The following ESYT2 variants were observed in gnomAD, a reference collection of about 807,000 sequenced individuals.
ESYT2 encodes the protein extended synaptotagmin 2.
A neutral mutation model predicts 107.2 loss-of-function variants in ESYT2; 54 were observed. That is an observed-to-expected ratio of 0.50 (90% CI 0.40 to 0.63). The LOEUF is 0.63. Ranked by LOEUF, ESYT2 falls within the 30% of genes least tolerant of loss-of-function variation. The probability of loss-of-function intolerance (pLI) is 0.00; values close to 1 mark genes in which losing one functional copy is unlikely to be tolerated. For synonymous variants in ESYT2, 491 were observed against 434.1 expected, an observed-to-expected ratio of 1.13 and a Z score of -1.63; for missense variants, 1,020 against 1,094.5, an observed-to-expected ratio of 0.93 and a Z score of 0.96.
At chr7:158,775,687 C>T (rs181163229) in intron 6 of ESYT2, among the ~76,000 whole-genome samples, 5 of 152,310 alleles carry the variant, frequency 3.3e-5, no homozygotes, top group African/African-American at 1.2e-4. Context: ...ACCTGCACTT[C>T]CTTCTTCCAC....
intron 1 of ESYT2, among the ~76,000 whole-genome samples, chr7:158,812,468 G>A (rs187958954): frequency 6.6e-6 from 1 of 152,184 alleles, no homozygotes; most frequent in Non-Finnish European, 1.5e-5. Flanking sequence ...ACAAGTGTTG[G>A]CAAGGATGTG....
At chr7:158,758,242 T>C (rs1837834701) in intron 13 of ESYT2, among the ~76,000 whole-genome samples, 1 of 152,244 alleles carries the variant, frequency 6.6e-6, no homozygotes, top group South Asian at 2.1e-4. Flanking sequence ...ATATCTTAAT[T>C]GTAGGTAACT....
chr7:158,783,591 G>A (rs1417208654), intron 6 of ESYT2, among the ~76,000 whole-genome samples: 1 of 152,220 alleles, frequency 6.6e-6, no homozygotes, highest in Non-Finnish European at 1.5e-5. Context: ...ACCAGCCAGC[G>A]TGAAACCCCT....
At chr7:158,798,180 A>C in intron 2 of ESYT2, 104 bp from the exon 3 acceptor site, 2 of 1,227,816 alleles carry the variant, frequency 1.6e-6, no homozygotes, top group Non-Finnish European at 2.3e-6. Context: ...TGGTTTTGAA[A>C]ATAAAGGGCG....
chr7:158,759,949 T>C, intron 12 of ESYT2, 109 bp downstream of exon 12: 1 of 911,414 alleles, frequency 1.1e-6, no homozygotes. Flanking sequence ...TAATGAAAAT[T>C]ACTGCTATAA....
At position 158,829,420 on chromosome 7, in the gene ESYT2, G is replaced by A; in HGVS notation, c.-2C>T. 1 of 1,188,444 alleles carries A rather than the reference G, an allele frequency of 8.4e-7. No individual in the cohort carries two copies. Among genetic ancestry groups the A allele is most frequent in the East Asian group, 3.9e-5 (1 of 25,868 alleles). The allele number at this position is 1,188,444 out of a possible 1,614,324, so 73.6% of individuals were successfully genotyped here. Reference sequence around the variant, plus strand: ...GCCCTCGCCCCGGGCGCCGCTCATCGCCCCGCAGTGCCGCGCTGCCCTCCC... The same window carrying A: ...GCCCTCGCCCCGGGCGCCGCTCATCACCCCGCAGTGCCGCGCTGCCCTCCC... On this transcript the variant is annotated 5_prime_UTR_variant, in exon 1 of 23. Transcript: ENST00000275418.
intron 3 of ESYT2, among the ~76,000 whole-genome samples, 172 bp downstream of exon 3, chr7:158,797,770 T>C (rs987077644): frequency 2.0e-5 from 3 of 151,032 alleles, no homozygotes; most frequent in Non-Finnish European, 2.9e-5. Flanking sequence ...AGGAGAATAG[T>C]GTGAACCTGG....
intron 9 of ESYT2, 101 bp downstream of exon 9, chr7:158,764,576 A>G (rs539842809): frequency 8.1e-7 from 1 of 1,240,428 alleles, no homozygotes; most frequent in Admixed American, 2.3e-5. Flanking sequence ...GATGGCCTAA[A>G]TGAGCCACAC....
chr7:158,752,732 T>G, intron 14 of ESYT2, 49 bp downstream of exon 14: 1 of 1,205,490 alleles, frequency 8.3e-7, no homozygotes, highest in Non-Finnish European at 1.1e-6. Flanking sequence ...GTATCATCTC[T>G]TTCAATATGT....
intron 13 of ESYT2, among the ~76,000 whole-genome samples, chr7:158,755,178 C>A (rs945229519): frequency 6.6e-6 from 1 of 152,140 alleles, no homozygotes; most frequent in Non-Finnish European, 1.5e-5. Flanking sequence ...ATTCAAGGTG[C>A]TTTTGAGTGG....
At position 158,732,426 on chromosome 7, in the gene ESYT2, G is replaced by T. The variant is rs945519194; in HGVS notation, c.*1781C>A. On this transcript the variant is annotated 3_prime_UTR_variant, in exon 23 of 23. Coordinates refer to ENST00000275418, the MANE Select transcript of ESYT2 (RefSeq NM_001367773.1). The stretch of plus-strand genomic sequence containing the variant: ...CCAAATAATCCTATATACTAACATT[G>T]GAAATGGTTTATAAAGAGGCTTTAC... The T allele has an allele frequency of 2.0e-5, 3 of 152,130 alleles. No individual in the cohort carries two copies. Among genetic ancestry groups the T allele is most frequent in the African/African-American group, 7.2e-5 (3 of 41,418 alleles). 9.4% of individuals were successfully genotyped at this position (152,130 alleles called of 1,614,324 possible). A position where few individuals can be genotyped will look rare whatever the true frequency, so the allele number is the denominator to read the frequency against.
At chr7:158,824,575 A>G (rs1365232205) in intron 1 of ESYT2, among the ~76,000 whole-genome samples, 1 of 152,244 alleles carries the variant, frequency 6.6e-6, no homozygotes, top group Non-Finnish European at 1.5e-5. Flanking sequence ...CTCCCCAGAG[A>G]AAGTTTGTAT....
intron 3 of ESYT2, among the ~76,000 whole-genome samples, chr7:158,794,447 T>C (rs1036287084): frequency 6.6e-6 from 1 of 152,206 alleles, no homozygotes. Flanking sequence ...TGAGCTATGA[T>C]TGTGCCACTG....
In ESYT2 at chr7:158,731,954, A is replaced by G. The variant is rs1262397782; in HGVS notation, c.*2253T>C. On this transcript the variant is annotated 3_prime_UTR_variant, in exon 23 of 23. Coordinates refer to ENST00000275418, the MANE Select transcript of ESYT2 (RefSeq NM_001367773.1). Reference sequence around the variant, plus strand: ...CCTTTTTTTAAAAGAGAATGGAGGCAGCTACTGGAGGCCAAGCACCTCCAG... The same window carrying G: ...CCTTTTTTTAAAAGAGAATGGAGGCGGCTACTGGAGGCCAAGCACCTCCAG... The G allele has an allele frequency of 2.6e-5, 4 of 152,160 alleles. No homozygotes were observed. The highest frequency in any genetic ancestry group is 5.9e-5 in the Non-Finnish European group (4 of 68,034). The allele number at this position is 152,160 out of a possible 1,614,324, so 9.4% of individuals were successfully genotyped here.
chr7:158,792,307 T>A (rs1423447113), intron 4 of ESYT2, among the ~76,000 whole-genome samples: 1 of 151,532 alleles, frequency 6.6e-6, no homozygotes, highest in Non-Finnish European at 1.5e-5. Context: ...GTGGATCACT[T>A]GAGCCCAGGA....
rs560461376 is a variant in ESYT2, at chr7:158,798,556, G to T, written c.372+475C>A. ...AGCTACTCGGGAGGCTGAGGCAGGA[G>T]AATCACTTGAACCCAAGAGGTGGAG... is the stretch of plus-strand genomic sequence containing the variant. On this transcript the variant is annotated intron_variant, in intron 2 of 22. Transcript: ENST00000275418. 9.6e-5 allele frequency among the ~76,000 whole-genome samples: 13 copies of T among 135,244 alleles called. No individual in the cohort carries two copies. The South Asian group carries it at 3.2e-3, about 33-fold the overall frequency. 88.7% of individuals were successfully genotyped at this position (135,244 alleles called of 152,430 possible).
At chr7:158,785,145 G>A (rs1563018720) in intron 6 of ESYT2, among the ~76,000 whole-genome samples, 3 of 152,094 alleles carry the variant, frequency 2.0e-5, no homozygotes, top group African/African-American at 7.2e-5. Flanking sequence ...TCTAGTGGCC[G>A]GGCACGGTGG....
At chr7:158,821,259 C>G (rs866643424) in intron 1 of ESYT2, among the ~76,000 whole-genome samples, 2 of 152,252 alleles carry the variant, frequency 1.3e-5, no homozygotes, top group South Asian at 2.1e-4. Context: ...ATGCCCCACC[C>G]AATTCCAAAA....
rs77440748 is a variant in ESYT2 at position 158,746,194 on chromosome 7, A to C, written c.1644+2000T>G. ...TCAGGAGTTCGAGACCAGCCTGGGC[A>C]ATGTGGTGAAACCGCATCTTTACAT... is the stretch of plus-strand genomic sequence containing the variant. On this transcript the variant is annotated intron_variant, in intron 16 of 22. Coordinates refer to ENST00000275418, the MANE Select transcript of ESYT2 (RefSeq NM_001367773.1). 5.3e-3 allele frequency among the ~76,000 whole-genome samples: 795 copies of C among 151,072 alleles called. 55 individuals carry two copies. In the East Asian group the frequency reaches 0.13, roughly 24 times the overall value.
Sources: allele counts gnomAD v4.1 joint callset (sites outside exome capture counted in the v4.1 genomes callset), GRCh38; gene constraint gnomAD v4.1.1; transcripts MANE v1.5; gene names NCBI Gene and HGNC (gene_info 2026-07-23, HGNC 2026-07-21).